The following TUSC3 variants were observed in gnomAD, a reference collection of about 807,000 sequenced individuals.
The protein encoded by TUSC3 is tumor suppressor candidate 3.
A neutral mutation model predicts 44.8 loss-of-function variants in TUSC3; 45 were observed. The observed-to-expected ratio is 1.00, with a 90% CI of 0.79 to 1.29. TUSC3 has a LOEUF of 1.29. TUSC3 is among the 50% of genes most tolerant of loss of function. The pLI is 0.00. For synonymous variants in TUSC3, 212 were observed against 152.9 expected, an observed-to-expected ratio of 1.39 and a Z score of -2.85; for missense variants, 519 against 437.9, an observed-to-expected ratio of 1.19 and a Z score of -1.65.
intron 2 of TUSC3, among the ~76,000 whole-genome samples, chr8:15,636,758 A>G (rs569832498): frequency 6.4e-4 from 97 of 152,332 alleles, no homozygotes; most frequent in Non-Finnish European, 1.1e-3. Context: ...CGAATGTTCC[A>G]GTGGGAGATT....
At chr8:15,579,023 C>A (rs928892438) in intron 1 of TUSC3, among the ~76,000 whole-genome samples, 2 of 151,808 alleles carry the variant, frequency 1.3e-5, no homozygotes, top group Non-Finnish European at 2.9e-5. Flanking sequence ...AGAGATTCAA[C>A]TTCTTCCTGG....
At chr8:15,524,818 A>T (rs1252564308) in intron 2 of TUSC3, among the ~76,000 whole-genome samples, 1 of 94,150 alleles carries the variant, frequency 1.1e-5, no homozygotes, top group Non-Finnish European at 3.0e-5. Context: ...GATTAAATAT[A>T]GAAAGAGATC....
the TUSC3 span, among the ~76,000 whole-genome samples, chr8:15,822,040 T>A: frequency 1.3e-5 from 2 of 152,272 alleles, no homozygotes; most frequent in South Asian, 4.1e-4. Context: ...ATTTTCTAGA[T>A]GCCCTTAAAA....
chr8:15,499,125 G>A (rs1209427147), intron 2 of TUSC3, among the ~76,000 whole-genome samples: 1 of 151,860 alleles, frequency 6.6e-6, no homozygotes, highest in East Asian at 1.9e-4. Context: ...CTATCATCCT[G>A]ATGCTTTAAT....
chr8:15,436,058 A>C (rs548873568), intron 1 of TUSC3, among the ~76,000 whole-genome samples: 7 of 152,130 alleles, frequency 4.6e-5, no homozygotes, highest in African/African-American at 1.7e-4. Flanking sequence ...CCCTTTTTCA[A>C]GATCGCTCAT....
chr8:15,815,803 C>G, the TUSC3 span, among the ~76,000 whole-genome samples: 1 of 152,088 alleles, frequency 6.6e-6, no homozygotes, highest in African/African-American at 2.4e-5. Context: ...GACAGTATCA[C>G]TAAATGTTTT....
At chr8:15,526,215 A>G (rs1379595743) in intron 2 of TUSC3, among the ~76,000 whole-genome samples, 1 of 151,966 alleles carries the variant, frequency 6.6e-6, no homozygotes, top group Non-Finnish European at 1.5e-5. Context: ...TGTATTTTTT[A>G]GTAGAGACGG....
At chr8:15,602,666 A>ATGTGTGTGTGTGTGTGTGTG (rs60206119) in intron 1 of TUSC3, among the ~76,000 whole-genome samples, 1 of 145,872 alleles carries the variant, frequency 6.9e-6, no homozygotes, top group African/African-American at 2.5e-5. Context: ...AAATATTTAT[A>ATGTGTGTGTGTGTGTGTGTG]TGTGTGTGTG....
the TUSC3 span, chr8:15,806,322 T>C: frequency 2.8e-6 from 2 of 710,616 alleles, no homozygotes; most frequent in Non-Finnish European, 5.4e-6. Context: ...AGGGACACCT[T>C]CCCCCTGCTT....
At chr8:15,743,666 T>G (rs1254013812) in intron 8 of TUSC3, 54 bp downstream of exon 8, 48 of 1,568,850 alleles carry the variant, frequency 3.1e-5, no homozygotes, top group African/African-American at 5.4e-5. Context: ...AAGATTCATT[T>G]AAGTCAAATG....
In TUSC3 at chr8:15,727,926, A is replaced by G. The variant is rs1810564119; in HGVS notation, c.799-2740A>G. ...AATTGAGGTTAAGTAGTTTGTTCAT[A>G]ATAACACAGTTAGTAGATGGCAAAT... On this transcript the variant is annotated intron_variant, in intron 6 of 10. Coordinates refer to ENST00000503731, the MANE Select transcript of TUSC3 (RefSeq NM_006765.4). 2.0e-5 allele frequency among the ~76,000 whole-genome samples: 3 copies of G among 152,208 alleles called. No homozygotes were observed. In the South Asian group the frequency reaches 6.2e-4, roughly 31 times the overall value.
intron 2 of TUSC3, among the ~76,000 whole-genome samples, chr8:15,489,919 T>C (rs1172681694): frequency 3.3e-5 from 5 of 152,224 alleles, no homozygotes; most frequent in Non-Finnish European, 7.3e-5. Flanking sequence ...AAAAGATTAA[T>C]TCTGATATGG....
chr8:15,760,350 T>A (rs1238986836), intron 10 of TUSC3, among the ~76,000 whole-genome samples: 2 of 152,212 alleles, frequency 1.3e-5, no homozygotes, highest in Admixed American at 1.3e-4. Flanking sequence ...TTATACATCA[T>A]GAGCATATTC....
At chr8:15,556,712 G>A (rs561653231) in intron 1 of TUSC3, among the ~76,000 whole-genome samples, 13 of 145,240 alleles carry the variant, frequency 9.0e-5, no homozygotes, top group African/African-American at 3.3e-4. Context: ...GGTGTGAGAT[G>A]GTATCTCATT....
intron 2 of TUSC3, among the ~76,000 whole-genome samples, chr8:15,638,138 G>C (rs1467244174): frequency 6.6e-6 from 1 of 152,076 alleles, no homozygotes; most frequent in Non-Finnish European, 1.5e-5. Flanking sequence ...CTGAGATTCT[G>C]TCTTTCTTGG....
In TUSC3 at chr8:15,446,853, G is replaced by GA. The variant is rs374921595; in HGVS notation, n.91+29556dup. Among the ~76,000 whole-genome samples, 38 of 147,994 alleles carry GA rather than the reference G, an allele frequency of 2.6e-4. 1 individual carries two copies. Among genetic ancestry groups the GA allele is most frequent in the African/African-American group, 8.5e-4 (34 of 40,236 alleles). On this transcript the variant is annotated intron_variant and non_coding_transcript_variant, in intron 1 of 5. Transcript: ENST00000503191. Reference sequence around the variant, plus strand: ...GGAGAGGCAGAAGTTCATGTGGAGAGAAAAAAAATGGAGATGAAAGTGAAC... The same window carrying GA: ...GGAGAGGCAGAAGTTCATGTGGAGAGAAAAAAAAATGGAGATGAAAGTGAAC...
intron 6 of TUSC3, among the ~76,000 whole-genome samples, chr8:15,723,235 C>T (rs1810373002): frequency 6.6e-6 from 1 of 152,050 alleles, no homozygotes; most frequent in Non-Finnish European, 1.5e-5. Context: ...ACAGATCGTG[C>T]AGTAAGTTCA....
chr8:15,836,528 C>G, the TUSC3 span, among the ~76,000 whole-genome samples: 5 of 151,580 alleles, frequency 3.3e-5, no homozygotes, highest in East Asian at 5.8e-4. Context: ...ATATAAAATA[C>G]ATGGTTCTCT....
intron 6 of TUSC3, among the ~76,000 whole-genome samples, chr8:15,698,219 T>C (rs1809251193): frequency 6.6e-6 from 1 of 152,126 alleles, no homozygotes; most frequent in African/African-American, 2.4e-5. Context: ...AATGCAAAAA[T>C]GCTGTAATTC....
Sources: allele counts gnomAD v4.1 joint callset (sites outside exome capture counted in the v4.1 genomes callset), GRCh38; gene constraint gnomAD v4.1.1; transcripts MANE v1.5; gene names NCBI Gene and HGNC (gene_info 2026-07-23, HGNC 2026-07-21).